Variants in PRKG1 observed in about 807,000 individuals in gnomAD.
PRKG1 encodes cGMP-dependent protein kinase 1.
In PRKG1, 35 loss-of-function variants were observed where a neutral mutation model predicts 88.1. That is an observed-to-expected ratio of 0.40 (90% CI 0.30 to 0.53). PRKG1 has a LOEUF of 0.53. PRKG1 is among the 20% of genes least tolerant of loss of function. The pLI, the probability that PRKG1 is intolerant of heterozygous loss-of-function variation, is 0.59. For synonymous variants in PRKG1, 303 were observed against 292.5 expected (o/e 1.04, Z -0.37); for missense variants, 540 against 839.8 (o/e 0.64, Z 4.41).
intron 3 of PRKG1, among the ~76,000 whole-genome samples, chr10:51,572,761 CT>C (rs1418564067): frequency 4.6e-5 from 7 of 150,900 alleles, no homozygotes; most frequent in African/African-American, 1.7e-4. Flanking sequence ...TGCACGATAG[CT>C]TGAGAACCAC....
intron 3 of PRKG1, among the ~76,000 whole-genome samples, chr10:51,742,528 T>A (rs888226994): frequency 3.9e-5 from 6 of 152,146 alleles, no homozygotes; most frequent in Admixed American, 3.9e-4. Context: ...ATGCAGGTGG[T>A]ATGAAAGAGG....
At chr10:51,388,782 G>A (rs911161194) in intron 2 of PRKG1, among the ~76,000 whole-genome samples, 1 of 152,168 alleles carries the variant, frequency 6.6e-6, no homozygotes, top group Non-Finnish European at 1.5e-5. Context: ...AGTTGACTCT[G>A]TACTGTAATA....
chr10:52,233,184 CA>C (rs3031022), intron 9 of PRKG1, among the ~76,000 whole-genome samples: 68,402 of 142,116 alleles, frequency 0.48, 17,948 homozygotes, highest in East Asian at 0.78. Context: ...AAAAGGGAGC[CA>C]AAAAAAAAAA....
At chr10:52,076,620 A>G (rs987303963) in intron 7 of PRKG1, among the ~76,000 whole-genome samples, 6 of 152,204 alleles carry the variant, frequency 3.9e-5, no homozygotes, top group African/African-American at 1.4e-4. Context: ...TTTTTGACAA[A>G]CACTATTTAA....
chr10:52,052,463 G>C (rs939910369), intron 5 of PRKG1, among the ~76,000 whole-genome samples: 2 of 151,734 alleles, frequency 1.3e-5, no homozygotes, highest in Admixed American at 1.3e-4. Flanking sequence ...ACTAGGCATG[G>C]TAGTGTACAC....
At chr10:51,630,617 A>T (rs1839499535) in intron 3 of PRKG1, among the ~76,000 whole-genome samples, 1 of 152,192 alleles carries the variant, frequency 6.6e-6, no homozygotes, top group African/African-American at 2.4e-5. Flanking sequence ...TTATTGCCTT[A>T]TTGTCAATAT....
At chr10:51,276,592 G>A (rs571965953) in intron 2 of PRKG1, among the ~76,000 whole-genome samples, 1 of 152,124 alleles carries the variant, frequency 6.6e-6, no homozygotes, top group Non-Finnish European at 1.5e-5. Context: ...CAGTGTAAAA[G>A]TGTTCCTATT....
chr10:51,157,297 C>A (rs980506678), intron 2 of PRKG1, among the ~76,000 whole-genome samples: 2 of 151,834 alleles, frequency 1.3e-5, no homozygotes, highest in African/African-American at 4.8e-5. Flanking sequence ...AAGTTTTGAT[C>A]AACGTTGTTT....
chr10:52,089,166 T>C (rs1055721067), intron 7 of PRKG1, among the ~76,000 whole-genome samples: 2 of 152,170 alleles, frequency 1.3e-5, no homozygotes, highest in African/African-American at 4.8e-5. Context: ...TAATTCCAAA[T>C]TATGCTGAGC....
At chr10:51,121,507 A>G (rs1845259970) in intron 1 of PRKG1, among the ~76,000 whole-genome samples, 1 of 152,224 alleles carries the variant, frequency 6.6e-6, no homozygotes, top group East Asian at 1.9e-4. Flanking sequence ...ATAATAATAG[A>G]TAACATTCAT....
chr10:51,544,851 G>A (rs12246762), intron 3 of PRKG1, among the ~76,000 whole-genome samples: 10,769 of 151,892 alleles, frequency 0.071, 1,253 homozygotes, highest in African/African-American at 0.24. Context: ...AAATCAAACA[G>A]CCCCATCAAA....
chr10:51,051,770 C>A (rs17510159), intron 1 of PRKG1, among the ~76,000 whole-genome samples: 29 of 152,104 alleles, frequency 1.9e-4, no homozygotes, highest in African/African-American at 7.0e-4. Context: ...TATCACCTAG[C>A]GACATCTTAG....
chr10:51,162,167 G>T (rs1052894960), intron 2 of PRKG1, among the ~76,000 whole-genome samples: 2 of 152,068 alleles, frequency 1.3e-5, no homozygotes, highest in Admixed American at 6.5e-5. Flanking sequence ...ACTCTCCAAG[G>T]GCAGGACAGA....
At chr10:51,849,937 G>A (rs1384585527) in intron 4 of PRKG1, among the ~76,000 whole-genome samples, 1 of 151,948 alleles carries the variant, frequency 6.6e-6, no homozygotes, top group African/African-American at 2.4e-5. Flanking sequence ...GTGGAATCAA[G>A]GTAGATGTTT....
chr10:51,343,285 A>G (rs1842042243), intron 2 of PRKG1, among the ~76,000 whole-genome samples: 4 of 152,100 alleles, frequency 2.6e-5, no homozygotes, highest in African/African-American at 9.7e-5. Flanking sequence ...GGGAGAGATA[A>G]TTACCCTATT....
At chr10:52,225,466 C>A (rs1840366305) in intron 9 of PRKG1, among the ~76,000 whole-genome samples, 1 of 152,100 alleles carries the variant, frequency 6.6e-6, no homozygotes. Context: ...GTTCCTTTTG[C>A]CATGCAAAAA....
At chr10:52,203,829 G>A (rs1839739328) in intron 9 of PRKG1, among the ~76,000 whole-genome samples, 1 of 152,136 alleles carries the variant, frequency 6.6e-6, no homozygotes. Context: ...AGTTAGAATA[G>A]CAACCCATGC....
At position 51,618,821 on chromosome 10, in the gene PRKG1, T is replaced by A. The variant is rs1408430153; in HGVS notation, c.592+150985T>A. On this transcript the variant is annotated intron_variant, in intron 3 of 17. Coordinates refer to ENST00000373980, the MANE Select transcript of PRKG1 (RefSeq NM_006258.4). ...TCTTGCTCTGTCACCCAGGCTGGAG[T>A]GTAGTGGCACAATCTTGACTTACTG... 2.6e-5 allele frequency among the ~76,000 whole-genome samples: 4 copies of A among 151,944 alleles called. No individual in the cohort carries two copies. In the East Asian group the frequency reaches 5.8e-4, roughly 22 times the overall value.
intron 9 of PRKG1, among the ~76,000 whole-genome samples, chr10:52,220,346 G>A (rs537642852): frequency 6.6e-6 from 1 of 152,252 alleles, no homozygotes; most frequent in East Asian, 1.9e-4. Flanking sequence ...CCAACTATGT[G>A]AGTGGGACAT....
Sources: gnomAD v4.1 joint callset for allele counts (sites outside exome capture counted in the v4.1 genomes callset) on GRCh38, gnomAD v4.1.1 for gene constraint, MANE v1.5 for transcripts, NCBI Gene and HGNC (gene_info 2026-07-23, HGNC 2026-07-21) for gene names.